The following PCDH15 variants were observed in gnomAD, a reference collection of about 807,000 sequenced individuals.
PCDH15 encodes the protein protocadherin-15.
A neutral mutation model predicts 178.5 loss-of-function variants in PCDH15; 129 were observed. The observed-to-expected ratio is 0.72, with a 90% CI of 0.63 to 0.84. PCDH15 has a LOEUF of 0.84. Among genes scored for constraint, PCDH15 ranks in the 40% least tolerant of loss-of-function variants. The probability of loss-of-function intolerance (pLI) is 0.00; values close to 1 mark genes in which losing one functional copy is unlikely to be tolerated. For missense variants in PCDH15, 2,230 were observed against 2,099.9 expected (o/e 1.06, Z -1.21); for synonymous variants, 800 against 732.0 (o/e 1.09, Z -1.50).
At chr10:54,038,305 C>T (rs1233452814) in intron 18 of PCDH15, among the ~76,000 whole-genome samples, 1 of 151,746 alleles carries the variant, frequency 6.6e-6, no homozygotes, top group African/African-American at 2.4e-5. Flanking sequence ...AAAAGCTATA[C>T]TGTATAAAGG....
intron 20 of PCDH15, among the ~76,000 whole-genome samples, chr10:54,002,274 A>G (rs963471292): frequency 1.3e-5 from 2 of 152,052 alleles, no homozygotes; most frequent in Non-Finnish European, 2.9e-5. Flanking sequence ...CACTTTCAGC[A>G]CTGGACAGAT....
chr10:54,104,614 G>A (rs1403544516), intron 15 of PCDH15, among the ~76,000 whole-genome samples: 2 of 152,058 alleles, frequency 1.3e-5, no homozygotes, highest in Non-Finnish European at 2.9e-5. Context: ...AAGGCAGGCA[G>A]ATTACGAGGT....
chr10:54,943,526 T>C (rs1435850895), intron 2 of PCDH15, among the ~76,000 whole-genome samples: 1 of 151,980 alleles, frequency 6.6e-6, no homozygotes, highest in African/African-American at 2.4e-5. Flanking sequence ...ATGGTTCTTA[T>C]GAAATGAAGT....
intron 20 of PCDH15, among the ~76,000 whole-genome samples, chr10:54,012,437 A>C (rs146141151): frequency 6.6e-6 from 1 of 152,224 alleles, no homozygotes; most frequent in East Asian, 1.9e-4. Context: ...TAAAAACTGC[A>C]GAGAACTGCA....
intron 2 of PCDH15, among the ~76,000 whole-genome samples, chr10:54,536,032 T>C (rs1589958171): frequency 6.6e-6 from 1 of 152,162 alleles, no homozygotes; most frequent in Non-Finnish European, 1.5e-5. Context: ...CAAGCAACCA[T>C]GATTCAATTT....
chr10:55,011,214 T>C (rs753435674), intron 2 of PCDH15, among the ~76,000 whole-genome samples: 2 of 152,124 alleles, frequency 1.3e-5, no homozygotes, highest in African/African-American at 2.4e-5. Context: ...AAAATCGTTA[T>C]ATTTATTAAA....
At chr10:54,058,698 C>CTTT (rs58250372) in intron 18 of PCDH15, among the ~76,000 whole-genome samples, 3 of 133,298 alleles carry the variant, frequency 2.3e-5, no homozygotes, top group Non-Finnish European at 3.3e-5. Context: ...TTCTTTCTTT[C>CTTT]TTTTTTTTTT....
At chr10:54,640,828 G>T (rs949528898) in intron 2 of PCDH15, among the ~76,000 whole-genome samples, 1 of 152,128 alleles carries the variant, frequency 6.6e-6, no homozygotes, top group Non-Finnish European at 1.5e-5. Context: ...AACAGGCCAG[G>T]CTCAGTGGCT....
intron 2 of PCDH15, among the ~76,000 whole-genome samples, chr10:55,148,645 T>C (rs1051097364): frequency 7.2e-5 from 11 of 151,732 alleles, no homozygotes; most frequent in Admixed American, 3.3e-4. Context: ...TTTGGTAGCA[T>C]ATAAAGTTTC....
chr10:53,902,330 TAAG>T lies in PCDH15; in HGVS notation c.3501+910_3501+912del, dbSNP rs372633424. Among the ~76,000 whole-genome samples, 41 of 152,090 alleles carry T rather than the reference TAAG, an allele frequency of 2.7e-4. No individual in the cohort carries two copies. The East Asian group carries it at 4.1e-3, about 15-fold the overall frequency. On this transcript the variant is annotated intron_variant, in intron 26 of 37. Transcript: ENST00000644397. The stretch of plus-strand genomic sequence containing the variant: ...GTTTGATAGGTGATAAAACTACACG[TAAG>T]AAGAGCTCTAATCATGGTGCTCCTG...
chr10:54,255,694 G>C (rs188289869), intron 8 of PCDH15, among the ~76,000 whole-genome samples: 87 of 152,156 alleles, frequency 5.7e-4, no homozygotes, highest in African/African-American at 1.9e-3. Flanking sequence ...GGGGAAAATG[G>C]AGTTTCAAGT....
intron 2 of PCDH15, among the ~76,000 whole-genome samples, chr10:55,340,044 T>A (rs1396887177): frequency 6.6e-6 from 1 of 151,686 alleles, no homozygotes. Flanking sequence ...CTCTCATTAA[T>A]TGAATTGTAT....
intron 1 of PCDH15, among the ~76,000 whole-genome samples, chr10:55,264,409 G>A (rs540330368): frequency 6.6e-6 from 1 of 152,212 alleles, no homozygotes; most frequent in Non-Finnish European, 1.5e-5. Context: ...AGGAAAAACA[G>A]GAGGCATAGG....
chr10:54,271,049 C>T (rs187289684), intron 8 of PCDH15, among the ~76,000 whole-genome samples: 269 of 152,152 alleles, frequency 1.8e-3, no homozygotes, highest in African/African-American at 6.2e-3. Flanking sequence ...ATGAAAATCA[C>T]TAAATTTTTC....
At chr10:54,384,318 T>G (rs936805708) in intron 3 of PCDH15, among the ~76,000 whole-genome samples, 1 of 45,142 alleles carries the variant, frequency 2.2e-5, no homozygotes, top group African/African-American at 6.2e-5. Flanking sequence ...AAGCTGAAGA[T>G]CCCCCCCCTT....
At chr10:55,028,632 C>G (rs11004685) in intron 2 of PCDH15, among the ~76,000 whole-genome samples, 69,525 of 151,754 alleles carry the variant, frequency 0.46, 17,810 homozygotes, top group East Asian at 0.75. Context: ...TGATCATTAC[C>G]TCTTCATCTT....
At chr10:55,105,114 G>T (rs769054656) in intron 2 of PCDH15, among the ~76,000 whole-genome samples, 20 of 152,124 alleles carry the variant, frequency 1.3e-4, no homozygotes, top group South Asian at 4.1e-4. Context: ...AATGGTGTCA[G>T]GTATGGTCTG....
At chr10:54,013,576 A>G (rs2092654607) in intron 20 of PCDH15, among the ~76,000 whole-genome samples, 1 of 152,208 alleles carries the variant, frequency 6.6e-6, no homozygotes, top group Non-Finnish European at 1.5e-5. Context: ...AACATGGTGC[A>G]ATAAAAACAG....
At chr10:54,061,672 T>C (rs2135748096) in intron 18 of PCDH15, among the ~76,000 whole-genome samples, 1 of 152,246 alleles carries the variant, frequency 6.6e-6, no homozygotes, top group African/African-American at 2.4e-5. Context: ...TAGCACCCAT[T>C]TGACACTTGA....
Sources: allele counts gnomAD v4.1 joint callset (sites outside exome capture counted in the v4.1 genomes callset), GRCh38; gene constraint gnomAD v4.1.1; transcripts MANE v1.5; gene names NCBI Gene and HGNC (gene_info 2026-07-23, HGNC 2026-07-21).